Variants in RAD51B observed in about 807,000 individuals in gnomAD.
The protein encoded by RAD51B is DNA repair protein RAD51 homolog 2.
RAD51B carries 38 observed loss-of-function variants against 42.2 expected under a neutral mutation model. That is an observed-to-expected ratio of 0.90 (90% CI 0.70 to 1.18). The LOEUF is 1.18. Among genes scored for constraint, RAD51B ranks in the 50% most tolerant of loss-of-function variants. The probability of loss-of-function intolerance (pLI) is 0.00; values close to 1 mark genes in which losing one functional copy is unlikely to be tolerated. For synonymous variants in RAD51B, 154 were observed against 145.2 expected (o/e 1.06, Z -0.43); for missense variants, 373 against 400.7 (o/e 0.93, Z 0.59).
Position 68,179,395 on chromosome 14 carries a change from C to A in RAD51B, c.757-112489C>A, listed in dbSNP as rs139681907. ...CCTTTTATTTTTTACCTAAAAAGTT[C>A]GCAAACTACTTGTAGCTATTATTAC... On this transcript the variant is annotated intron_variant, in intron 7 of 10. Transcript: ENST00000471583. Among the ~76,000 whole-genome samples the A allele has an allele frequency of 2.0e-5, 3 of 152,032 alleles. No individual in the cohort carries two copies. The South Asian group carries it at 6.2e-4, about 32-fold the overall frequency.
intron 9 of RAD51B, among the ~76,000 whole-genome samples, chr14:68,429,594 A>T (rs1188964650): frequency 1.3e-5 from 2 of 151,774 alleles, no homozygotes; most frequent in Admixed American, 1.3e-4. Context: ...CCACTTTTTG[A>T]TGGGGTTTTT....
intron 4 of RAD51B, among the ~76,000 whole-genome samples, chr14:67,863,926 T>C (rs2042240017): frequency 6.6e-6 from 1 of 151,774 alleles, no homozygotes. Flanking sequence ...CTCAGGAAAC[T>C]TACAGGGGAA....
intron 7 of RAD51B, among the ~76,000 whole-genome samples, chr14:68,025,476 C>CTTTTTTTTTTT (rs765471138): frequency 7.3e-5 from 3 of 40,976 alleles, no homozygotes; most frequent in Admixed American, 2.8e-4. Flanking sequence ...CTGGTCTAGG[C>CTTTTTTTTTTT]TTTTTTTTTT....
At chr14:68,430,458 C>T (rs2084972825) in intron 9 of RAD51B, among the ~76,000 whole-genome samples, 1 of 152,074 alleles carries the variant, frequency 6.6e-6, no homozygotes, top group Admixed American at 6.6e-5. Context: ...TGAAGAGGTC[C>T]TTCACATCCC....
chr14:68,497,247 T>C, intron 10 of RAD51B: 1 of 1,359,830 alleles, frequency 7.4e-7, no homozygotes, highest in Non-Finnish European at 9.7e-7. Flanking sequence ...CCCATCGTTC[T>C]CTGCTAAAAC....
At chr14:68,359,489 C>G (rs2082975490) in intron 8 of RAD51B, among the ~76,000 whole-genome samples, 1 of 152,140 alleles carries the variant, frequency 6.6e-6, no homozygotes, top group Non-Finnish European at 1.5e-5. Flanking sequence ...AGTCCCTTCT[C>G]TTCTTGCTTC....
chr14:67,947,656 T>G (rs1178865307), intron 7 of RAD51B, among the ~76,000 whole-genome samples: 10 of 152,202 alleles, frequency 6.6e-5, no homozygotes, highest in Admixed American at 6.5e-4. Context: ...GGAGACTGTT[T>G]TGTTTGAAGC....
At chr14:68,200,035 CT>C (rs1566723835) in intron 7 of RAD51B, among the ~76,000 whole-genome samples, 1 of 151,986 alleles carries the variant, frequency 6.6e-6, no homozygotes, top group African/African-American at 2.4e-5. Context: ...TTTGCTTTTT[CT>C]TTTTTTCATT....
intron 7 of RAD51B, among the ~76,000 whole-genome samples, chr14:67,989,039 C>T (rs2075243748): frequency 6.6e-6 from 1 of 152,086 alleles, no homozygotes; most frequent in African/African-American, 2.4e-5. Flanking sequence ...TAGGACTGTA[C>T]CCTGTGGGAC....
intron 11 of RAD51B, chr14:68,650,873 A>G (rs761198003): frequency 2.7e-6 from 2 of 745,006 alleles, no homozygotes; most frequent in Admixed American, 1.8e-5. Flanking sequence ...ACAAAATAGC[A>G]TTCTCCCTCA....
intron 7 of RAD51B, among the ~76,000 whole-genome samples, chr14:68,058,893 C>T (rs1172681046): frequency 6.6e-6 from 1 of 152,098 alleles, no homozygotes; most frequent in Non-Finnish European, 1.5e-5. Context: ...ATTCTTTTGC[C>T]AACACCTGCC....
chr14:68,413,069 A>G (rs2084460495), intron 9 of RAD51B, among the ~76,000 whole-genome samples: 1 of 152,218 alleles, frequency 6.6e-6, no homozygotes, highest in Non-Finnish European at 1.5e-5. Context: ...TTCATCTATT[A>G]TATATGGTAT....
At chr14:68,291,171 A>C (rs1187201687) in intron 7 of RAD51B, among the ~76,000 whole-genome samples, 1 of 151,474 alleles carries the variant, frequency 6.6e-6, no homozygotes, top group Non-Finnish European at 1.5e-5. Flanking sequence ...TTGCAATTTT[A>C]TTTTATTTTG....
intron 4 of RAD51B, among the ~76,000 whole-genome samples, chr14:67,842,095 T>A (rs999112572): frequency 6.6e-6 from 1 of 152,202 alleles, no homozygotes; most frequent in Non-Finnish European, 1.5e-5. Flanking sequence ...CTTCCAAAGA[T>A]CGTTCACCTC....
chr14:67,841,588 T>G (rs1395123372), intron 4 of RAD51B, among the ~76,000 whole-genome samples: 1 of 152,212 alleles, frequency 6.6e-6, no homozygotes, highest in African/African-American at 2.4e-5. Flanking sequence ...TTGAGTTAAT[T>G]TTTGTAAATG....
In RAD51B at chr14:68,400,772, T is replaced by C. The variant is rs767207549; in HGVS notation, c.854-10652T>C. Among the ~76,000 whole-genome samples, 14 of 152,384 alleles carry C rather than the reference T, an allele frequency of 9.2e-5. No individual in the cohort carries two copies. The South Asian group carries it at 1.4e-3, about 16-fold the overall frequency. On this transcript the variant is annotated intron_variant, in intron 8 of 10. Transcript: ENST00000471583. ...TCTTTAAATGGTTAGGTTTTTGTTTTCTTTGTTTTATTTTGCTAGTATTTA... is the reference window on the plus strand; with the variant it reads ...TCTTTAAATGGTTAGGTTTTTGTTTCCTTTGTTTTATTTTGCTAGTATTTA...
intron 4 of RAD51B, among the ~76,000 whole-genome samples, chr14:67,849,782 T>G (rs7151035): frequency 0.064 from 9,764 of 152,234 alleles, 700 homozygotes; most frequent in African/African-American, 0.18. Context: ...GATTGTTTTA[T>G]TAGATTCTTT....
chr14:68,038,542 C>T (rs1347256382), intron 7 of RAD51B, among the ~76,000 whole-genome samples: 1 of 152,036 alleles, frequency 6.6e-6, no homozygotes, highest in African/African-American at 2.4e-5. Context: ...ACAAACTTGG[C>T]TATATAAAAT....
intron 7 of RAD51B, among the ~76,000 whole-genome samples, chr14:68,017,970 G>GAATAAATA (rs148672009): frequency 0.04 from 6,021 of 149,376 alleles, 253 homozygotes; most frequent in African/African-American, 0.11. Flanking sequence ...ACTCCGTCTC[G>GAATAAATA]AATAAATAAA....
Sources: gnomAD v4.1 joint callset for allele counts (sites outside exome capture counted in the v4.1 genomes callset) on GRCh38, gnomAD v4.1.1 for gene constraint, MANE v1.5 for transcripts, NCBI Gene and HGNC (gene_info 2026-07-23, HGNC 2026-07-21) for gene names.